The following MYH15 variants were observed in gnomAD, a reference collection of about 807,000 sequenced individuals.
MYH15 encodes myosin-15.
Under a neutral mutation model 240.5 loss-of-function variants are expected in MYH15, and 227 were observed. The ratio of observed to expected loss-of-function variants is 0.94; its 90% CI spans 0.85 to 1.05. MYH15 has a LOEUF of 1.05. Among genes scored for constraint, MYH15 ranks in the 50% least tolerant of loss-of-function variants. The pLI is 0.00. For missense variants in MYH15, 2,217 were observed against 2,247.5 expected, an observed-to-expected ratio of 0.99 and a Z score of 0.27; for synonymous variants, 785 against 796.7, an observed-to-expected ratio of 0.99 and a Z score of 0.25.
the MYH15 span, among the ~76,000 whole-genome samples, chr3:108,537,255 C>G: frequency 2.0e-5 from 3 of 152,168 alleles, no homozygotes; most frequent in Non-Finnish European, 1.5e-5. Context: ...ACAACCAAAA[C>G]AGCCACACAC....
chr3:108,492,201 TACACACACACAC>T (rs10662107), intron 9 of MYH15, among the ~76,000 whole-genome samples: 1 of 147,926 alleles, frequency 6.8e-6, no homozygotes, highest in Non-Finnish European at 1.5e-5. Context: ...AATGCTTTTA[TACACACACACAC>T]ACACACACAC....
intron 33 of MYH15, among the ~76,000 whole-genome samples, chr3:108,400,268 C>T (rs2082494252): frequency 6.6e-6 from 1 of 152,102 alleles, no homozygotes; most frequent in African/African-American, 2.4e-5. Context: ...CAAACATAGG[C>T]AAAAATAAAC....
At chr3:108,412,618 A>G (rs1293861147) in intron 30 of MYH15, among the ~76,000 whole-genome samples, 1 of 152,226 alleles carries the variant, frequency 6.6e-6, no homozygotes, top group East Asian at 1.9e-4. Flanking sequence ...AATATCAACT[A>G]CTATTTTGCT....
rs571460013 is a variant in MYH15, at chr3:108,381,809, C to T, written c.5767-250G>A. ...TGCCTTGTCTTGCCAATGAAGGCAG[C>T]GCCCCCCTTTGCCAACCCCATAAGG... is the stretch of plus-strand genomic sequence containing the variant. On this transcript the variant is annotated intron_variant, in intron 40 of 40. Coordinates refer to ENST00000693548, the MANE Select transcript of MYH15 (RefSeq NM_014981.3). 5.3e-5 allele frequency among the ~76,000 whole-genome samples: 8 copies of T among 152,286 alleles called. No homozygotes were observed. The South Asian group carries it at 8.3e-4, about 16-fold the overall frequency.
the MYH15 span, chr3:108,550,964 A>T: frequency 8.2e-6 from 3 of 364,260 alleles, no homozygotes; most frequent in Non-Finnish European, 9.6e-6. Context: ...AGTAAAACTT[A>T]GAAAATTAAA....
intron 18 of MYH15, 49 bp downstream of exon 18, chr3:108,459,313 A>C: frequency 8.6e-7 from 1 of 1,167,342 alleles, no homozygotes; most frequent in Non-Finnish European, 1.2e-6. Flanking sequence ...AATATAGCTA[A>C]TATCAAATCT....
chr3:108,445,615 C>T (rs973164685), intron 21 of MYH15, among the ~76,000 whole-genome samples: 31 of 152,022 alleles, frequency 2.0e-4, no homozygotes, highest in Non-Finnish European at 3.2e-4. Context: ...ACCAGAAGTT[C>T]TCCTACATAA....
Position 108,416,801 on chromosome 3 carries a change from A to T in MYH15, c.3948+11T>A. On this transcript the variant is annotated intron_variant, in intron 29 of 40. Coordinates refer to ENST00000693548, the MANE Select transcript of MYH15 (RefSeq NM_014981.3). ...AGTCAAGAAACTAGTGAGAAATAAT[A>T]GATACATTACTTTGGTCTCCTTTTC... The T allele has an allele frequency of 4.4e-6, 7 of 1,585,032 alleles. No homozygotes were observed. The highest frequency in any genetic ancestry group is 6.1e-6 in the Non-Finnish European group (7 of 1,155,534).
chr3:108,498,194 G>C, intron 5 of MYH15, 49 bp from the exon 6 acceptor site: 1 of 1,538,334 alleles, frequency 6.5e-7, no homozygotes, highest in East Asian at 2.3e-5. Context: ...GATTATCAAT[G>C]CAACGAAAGT....
the MYH15 span, among the ~76,000 whole-genome samples, chr3:108,542,607 G>C: frequency 6.6e-6 from 1 of 152,050 alleles, no homozygotes; most frequent in Non-Finnish European, 1.5e-5. Flanking sequence ...TTCTTACAAA[G>C]GTAAGCATGT....
Position 108,470,122 on chromosome 3 carries a change from C to T in MYH15, c.1474G>A (p.Glu492Lys), listed in dbSNP as rs370509544. Residue 492 changes from glutamate to lysine, a missense_variant, in exon 14 of 41, where the codon GAA becomes AAA. Coordinates refer to ENST00000693548, the MANE Select transcript of MYH15 (RefSeq NM_014981.3). ...NWHMFVLEQE[E>K]YKKESIEWVS... ...CATTCAATGCTTTCTTTCTTATATT[C>T]CTCTTGCTCCAGAACAAACATGTGC... 1 of 1,611,654 alleles carries T rather than the reference C, an allele frequency of 6.2e-7. No homozygotes were observed.
At chr3:108,510,969 TA>T (rs1393079898), upstream of MYH15, among the ~76,000 whole-genome samples, 16 of 152,214 alleles carry the variant, frequency 1.1e-4, no homozygotes, top group Admixed American at 1.0e-3. Context: ...TGATTTTTAA[TA>T]TTTTTTTGTG....
chr3:108,382,410 T>C (rs2082350075), intron 40 of MYH15, among the ~76,000 whole-genome samples: 1 of 152,160 alleles, frequency 6.6e-6, no homozygotes, highest in African/African-American at 2.4e-5. Context: ...GCTTTTGACC[T>C]CCCTTAAGGT....
At chr3:108,430,764 C>T in intron 26 of MYH15, 68 bp downstream of exon 26, 1 of 1,234,144 alleles carries the variant, frequency 8.1e-7, no homozygotes, top group Admixed American at 1.7e-5. Context: ...GAGAATTAGT[C>T]ATTGAACCAC....
chr3:108,476,719 A>G (rs770999045), intron 11 of MYH15, among the ~76,000 whole-genome samples: 16 of 152,218 alleles, frequency 1.1e-4, no homozygotes, highest in Non-Finnish European at 2.1e-4. Context: ...TCAAAGCCAC[A>G]TTGAAATCTC....
At chr3:108,413,070 C>T (rs1004131418) in intron 30 of MYH15, among the ~76,000 whole-genome samples, 1 of 152,162 alleles carries the variant, frequency 6.6e-6, no homozygotes, top group African/African-American at 2.4e-5. Flanking sequence ...TATTCTTTTG[C>T]TCTTTCCTAC....
At chr3:108,525,609 A>G (rs2107273318) in intron 1 of MYH15, among the ~76,000 whole-genome samples, 1 of 152,286 alleles carries the variant, frequency 6.6e-6, no homozygotes, top group South Asian at 2.1e-4. Context: ...GATTAATGCT[A>G]CTGGGTGTTT....
At chr3:108,507,276 T>TATATATATACAC (rs1340070501) in intron 1 of MYH15, among the ~76,000 whole-genome samples, 1 of 97,974 alleles carries the variant, frequency 1.0e-5, no homozygotes. Flanking sequence ...TATATATATA[T>TATATATATACAC]ACACATATGA....
At chr3:108,459,275 C>A (rs780254945) in intron 18 of MYH15, 87 bp downstream of exon 18, 1 of 840,830 alleles carries the variant, frequency 1.2e-6, no homozygotes, top group African/African-American at 1.8e-5. Flanking sequence ...ATAAAAGGCA[C>A]CAATAAATAT....
Sources: gnomAD v4.1 joint callset for allele counts (sites outside exome capture counted in the v4.1 genomes callset) on GRCh38, gnomAD v4.1.1 for gene constraint, MANE v1.5 for transcripts, NCBI Gene and HGNC (gene_info 2026-07-23, HGNC 2026-07-21) for gene names.